IGSF23: variants seen among roughly 807,000 people sequenced by gnomAD.
IGSF23 encodes immunoglobulin superfamily member 23.
A neutral mutation model predicts 17.8 loss-of-function variants in IGSF23; 14 were observed. The ratio of observed to expected loss-of-function variants is 0.79; its 90% confidence interval spans 0.52 to 1.23. IGSF23 has a LOEUF of 1.23. IGSF23 is among the 50% of genes most tolerant of loss of function. IGSF23 has a pLI of 0.00. For synonymous variants in IGSF23, 85 were observed against 92.5 expected (o/e 0.92, Z 0.46); for missense variants, 214 against 241.7 (o/e 0.89, Z 0.76).
chr19:44,636,095 C>T (rs968860121), intron 4 of IGSF23, among the ~76,000 whole-genome samples: 9 of 152,244 alleles, frequency 5.9e-5, no homozygotes, highest in Admixed American at 5.9e-4. Context: ...ATGGCAGAGG[C>T]AGGATTCCAA....
At chr19:44,620,937 T>A (rs1167036339) in intron 1 of IGSF23, 1 of 152,076 alleles carries the variant, frequency 6.6e-6, no homozygotes, top group Non-Finnish European at 1.5e-5. Context: ...GAGGAGTAAG[T>A]GAGTTAATCA....
chr19:44,627,613 A>G, intron 3 of IGSF23, 40 bp downstream of exon 3: 2 of 1,521,384 alleles, frequency 1.3e-6, no homozygotes, highest in Non-Finnish European at 1.8e-6. Flanking sequence ...GGCAACATCC[A>G]CTCAGCCCCC....
At chr19:44,625,913 C>T (rs781726040) in intron 2 of IGSF23, among the ~76,000 whole-genome samples, 2 of 152,212 alleles carry the variant, frequency 1.3e-5, no homozygotes, top group Non-Finnish European at 2.9e-5. Flanking sequence ...ATTCTCTTGC[C>T]TGCCGCCATG....
At chr19:44,631,857 T>A (rs139570702) in intron 3 of IGSF23, among the ~76,000 whole-genome samples, 152 of 152,338 alleles carry the variant, frequency 1.0e-3, no homozygotes, top group African/African-American at 3.5e-3. Context: ...AAGGTGTTCC[T>A]TGCCCTCATT....
chr19:44,626,525 G>C (rs919114742), intron 2 of IGSF23, among the ~76,000 whole-genome samples: 1 of 152,152 alleles, frequency 6.6e-6, no homozygotes, highest in African/African-American at 2.4e-5. Context: ...GGGCTGGGAT[G>C]GGGGAGCCCA....
intron 2 of IGSF23, among the ~76,000 whole-genome samples, chr19:44,624,220 C>G (rs1340091657): frequency 1.4e-5 from 2 of 139,034 alleles, no homozygotes; most frequent in African/African-American, 5.1e-5. Context: ...TCTTCTCCTT[C>G]TTTTCCTCCT....
chr19:44,629,547 G>A (rs1345619991), intron 3 of IGSF23, among the ~76,000 whole-genome samples: 1 of 151,440 alleles, frequency 6.6e-6, no homozygotes, highest in African/African-American at 2.4e-5. Flanking sequence ...GCTTGACAGA[G>A]CAAGACCCTA....
chr19:44,614,981 T>C (rs1972336773), intron 1 of IGSF23, among the ~76,000 whole-genome samples: 1 of 152,090 alleles, frequency 6.6e-6, no homozygotes, highest in Admixed American at 6.6e-5. Context: ...ATTGCTTCCT[T>C]ATCCAGGTCT....
chr19:44,623,789 C>A lies in IGSF23; in HGVS notation c.208C>A (p.Gln70Lys). 1.9e-6 allele frequency: 3 copies of A among 1,551,004 alleles called. No homozygotes were observed. Among genetic ancestry groups the A allele is most frequent in the Non-Finnish European group, 2.6e-6 (3 of 1,147,082 alleles). Residue 70 changes from glutamine to lysine, a missense_variant, in exon 2 of 5, where the codon CAG (glutamine) becomes AAG (lysine). Gln to Lys is a moderately conservative substitution (Grantham distance 53). Coordinates refer to ENST00000402988, the MANE Select transcript of IGSF23 (RefSeq NM_001205280.2). ...TGAGCTCAACTATTCTGTGATCCTG[C>A]AGTGGGTGGTGACAATGGACCCTGA... ...QSELNYSVILQWVVTMDPEPV... is the reference protein window; with the variant it reads ...QSELNYSVILKWVVTMDPEPV...
At chr19:44,617,575 T>G (rs1972412181) in intron 1 of IGSF23, among the ~76,000 whole-genome samples, 1 of 152,178 alleles carries the variant, frequency 6.6e-6, no homozygotes, top group African/African-American at 2.4e-5. Flanking sequence ...GAAAAAATAG[T>G]GGCAAGGTTA....
chr19:44,622,117 G>A (rs1472261609), intron 1 of IGSF23, among the ~76,000 whole-genome samples: 1 of 151,918 alleles, frequency 6.6e-6, no homozygotes, highest in African/African-American at 2.4e-5. Context: ...GCTATAGAGA[G>A]GCAGAGGCAG....
chr19:44,619,023 G>C (rs564029457), intron 1 of IGSF23, among the ~76,000 whole-genome samples: 1 of 151,990 alleles, frequency 6.6e-6, no homozygotes. Context: ...TTGGCTCATG[G>C]TTCCACAGGT....
rs546537740 is a variant in IGSF23, at chr19:44,635,285, A to G, written c.546-116A>G. ...AGAATCTATCTCCAAATATAGTCAC[A>G]TTGGAGGGTTAGGACTACATATTAA... On this transcript the variant is annotated intron_variant, in intron 3 of 4. Transcript: ENST00000402988. 2.1e-5 allele frequency: 16 copies of G among 773,420 alleles called. No homozygotes were observed. The African/African-American group carries it at 2.8e-4, about 13-fold the overall frequency. The allele number at this position is 773,420 out of a possible 1,614,324, so 47.9% of individuals were successfully genotyped here.
chr19:44,614,866 C>G (rs1210512632), intron 1 of IGSF23, among the ~76,000 whole-genome samples: 1 of 152,198 alleles, frequency 6.6e-6, no homozygotes, highest in East Asian at 1.9e-4. Flanking sequence ...CTCTCCAGGT[C>G]ACACACTTGG....
At chr19:44,617,336 T>C (rs1004399901) in intron 1 of IGSF23, among the ~76,000 whole-genome samples, 2 of 152,136 alleles carry the variant, frequency 1.3e-5, no homozygotes, top group African/African-American at 2.4e-5. Flanking sequence ...GAGGTGATGG[T>C]TGCCCAATTC....
intron 1 of IGSF23, among the ~76,000 whole-genome samples, chr19:44,614,368 G>A (rs1285748182): frequency 1.3e-5 from 2 of 152,080 alleles, no homozygotes; most frequent in Non-Finnish European, 2.9e-5. Context: ...AATAATAACA[G>A]CCGTAATAGA....
rs563824928 is a variant in IGSF23, at chr19:44,615,071, C to T, written c.125+1301C>T. 8.0e-5 allele frequency among the ~76,000 whole-genome samples: 12 copies of T among 150,340 alleles called. 1 individual carries two copies. Among genetic ancestry groups the T allele is most frequent in the Admixed American group, 2.0e-4 (3 of 15,116 alleles). On this transcript the variant is annotated intron_variant, in intron 1 of 4. Coordinates refer to ENST00000402988, the MANE Select transcript of IGSF23 (RefSeq NM_001205280.2). ...TTGGGAGGCCGAGGCAGGCGGATCA[C>T]GAGGTCAGGAGATCGAGACCATCCT...
intron 2 of IGSF23, among the ~76,000 whole-genome samples, chr19:44,625,100 G>T (rs1972615939): frequency 6.6e-6 from 1 of 151,870 alleles, no homozygotes; most frequent in Admixed American, 6.6e-5. Context: ...TCTAAGGAGT[G>T]GTTCAAAGCA....
chr19:44,635,292 G>A, intron 3 of IGSF23, 109 bp from the exon 4 acceptor site: 1 of 823,382 alleles, frequency 1.2e-6, no homozygotes, highest in Non-Finnish European at 2.0e-6. Context: ...CACATTGGAG[G>A]GTTAGGACTA....
Sources: gnomAD v4.1 joint callset for allele counts (sites outside exome capture counted in the v4.1 genomes callset) on GRCh38, gnomAD v4.1.1 for gene constraint, MANE v1.5 for transcripts, NCBI Gene and HGNC (gene_info 2026-07-23, HGNC 2026-07-21) for gene names.